The following ETV1 variants were observed in gnomAD, a reference collection of about 807,000 sequenced individuals.
The protein encoded by ETV1 is ETS translocation variant 1.
Under a neutral mutation model 62.3 loss-of-function variants are expected in ETV1, and 27 were observed. The observed-to-expected ratio is 0.43, with a 90% CI of 0.32 to 0.60. The LOEUF is 0.60. ETV1 is among the 20% of genes least tolerant of loss of function. The pLI, the probability that ETV1 is intolerant of heterozygous loss-of-function variation, is 0.06. For synonymous variants in ETV1, 222 were observed against 199.6 expected (o/e 1.11, Z -0.94); for missense variants, 605 against 605.8 (o/e 1.00, Z 0.01).
At chr7:13,954,026 C>T (rs1288041217) in intron 6 of ETV1, among the ~76,000 whole-genome samples, 1 of 152,136 alleles carries the variant, frequency 6.6e-6, no homozygotes, top group Non-Finnish European at 1.5e-5. Context: ...GCCATAGTAA[C>T]ATACAAAACA....
chr7:13,900,478 AAT>A (rs766980161), intron 13 of ETV1: 5 of 355,566 alleles, frequency 1.4e-5, no homozygotes, highest in East Asian at 4.3e-5. Context: ...ATACTAAAAC[AAT>A]CTTTTTTAAC....
At chr7:13,902,884 T>C (rs1340548190) in intron 12 of ETV1, among the ~76,000 whole-genome samples, 1 of 152,102 alleles carries the variant, frequency 6.6e-6, no homozygotes, top group Non-Finnish European at 1.5e-5. Flanking sequence ...GCATCATGGG[T>C]ATTAGTGGAC....
chr7:13,965,866 G>A (rs1365536174), intron 6 of ETV1, among the ~76,000 whole-genome samples: 1 of 152,074 alleles, frequency 6.6e-6, no homozygotes, highest in African/African-American at 2.4e-5. Flanking sequence ...AACAATTCAA[G>A]CCACCTGTGC....
intron 6 of ETV1, among the ~76,000 whole-genome samples, chr7:13,961,257 C>T (rs1790136343): frequency 6.6e-6 from 1 of 152,138 alleles, no homozygotes; most frequent in South Asian, 2.1e-4. Flanking sequence ...AGAAGCCCAG[C>T]CATAGCCTAA....
intron 9 of ETV1, among the ~76,000 whole-genome samples, chr7:13,920,638 T>A (rs1485113046): frequency 6.6e-6 from 1 of 152,184 alleles, no homozygotes; most frequent in Non-Finnish European, 1.5e-5. Context: ...TAAAATGCAG[T>A]CCCTGTCCAT....
At chr7:13,920,161 G>A (rs957186669) in intron 9 of ETV1, among the ~76,000 whole-genome samples, 1 of 152,010 alleles carries the variant, frequency 6.6e-6, no homozygotes, top group African/African-American at 2.4e-5. Context: ...CCCCTTTCCT[G>A]CCTGTAAAAT....
At chr7:13,982,167 A>AC (rs1430708303) in intron 5 of ETV1, among the ~76,000 whole-genome samples, 3 of 152,084 alleles carry the variant, frequency 2.0e-5, no homozygotes, top group African/African-American at 7.2e-5. Context: ...ACTAAAACTG[A>AC]CCTGCAGTAA....
In ETV1 at chr7:13,909,704, T is replaced by C; in HGVS notation, c.872-4A>G. The C allele has an allele frequency of 6.2e-7, 1 of 1,609,126 alleles. No individual in the cohort carries two copies. Reference sequence around the variant, plus strand: ...GGGCCCTTTTCAAACATACAGCCTGTGGATGAAAAAGGAATACATTTATTC... The same window carrying C: ...GGGCCCTTTTCAAACATACAGCCTGCGGATGAAAAAGGAATACATTTATTC... On this transcript the variant is annotated splice_region_variant and splice_polypyrimidine_tract_variant and intron_variant, in intron 10 of 13. Coordinates refer to ENST00000430479, the MANE Select transcript of ETV1 (RefSeq NM_004956.5).
At chr7:13,939,041 T>A in intron 7 of ETV1, 76 bp downstream of exon 7, 1 of 1,404,088 alleles carries the variant, frequency 7.1e-7, no homozygotes, top group Non-Finnish European at 9.8e-7. Context: ...AAATATGACT[T>A]GAGATTTCAT....
Position 13,957,675 on chromosome 7 carries a change from A to G in ETV1, c.236-18429T>C, listed in dbSNP as rs1235925209. Reference sequence around the variant, plus strand: ...GAGCTCTGCCAAAGCGTCTGCTGTAACTCCAGGTGTAAGGTGTATCAAATA... The same window carrying G: ...GAGCTCTGCCAAAGCGTCTGCTGTAGCTCCAGGTGTAAGGTGTATCAAATA... On this transcript the variant is annotated intron_variant, in intron 6 of 13. Transcript: ENST00000430479. Among the ~76,000 whole-genome samples, 7 of 152,302 alleles carry G rather than the reference A, an allele frequency of 4.6e-5. No homozygotes were observed. In the South Asian group the frequency reaches 1.2e-3, roughly 27 times the overall value.
intron 6 of ETV1, among the ~76,000 whole-genome samples, chr7:13,952,607 T>C (rs889794101): frequency 6.6e-6 from 1 of 152,124 alleles, no homozygotes; most frequent in Non-Finnish European, 1.5e-5. Context: ...ACGGTTAACA[T>C]TTTAAAACAC....
rs2128395306 is a variant in ETV1 at position 13,892,704 on chromosome 7, T to A, written c.*3162A>T. 1 of 232,156 alleles carries A rather than the reference T, an allele frequency of 4.3e-6. No homozygotes were observed. Among genetic ancestry groups the A allele is most frequent in the Non-Finnish European group, 8.5e-6 (1 of 117,380 alleles). 14.4% of individuals were successfully genotyped at this position (232,156 alleles called of 1,614,324 possible). On this transcript the variant is annotated 3_prime_UTR_variant, in exon 14 of 14. Transcript: ENST00000430479. ...CATCCCCTAAATGTAATCACAAGCA[T>A]CCTTATAAGAGGCAGGAAGGAAATT...
At chr7:13,972,783 A>T (rs1009796453) in intron 6 of ETV1, among the ~76,000 whole-genome samples, 5 of 151,742 alleles carry the variant, frequency 3.3e-5, no homozygotes, top group Non-Finnish European at 5.9e-5. Context: ...TTTTATTTTT[A>T]TTTTCTGATA....
Position 13,973,895 on chromosome 7 carries a change from G to A in ETV1, c.235+3532C>T, listed in dbSNP as rs1289827179. On this transcript the variant is annotated intron_variant, in intron 6 of 13. Coordinates refer to ENST00000430479, the MANE Select transcript of ETV1 (RefSeq NM_004956.5). Reference sequence around the variant, plus strand: ...ATATCATGTTTCTACCTTAAGAAACGAATTAAGACTCTGAAGATGCTTAGG... The same window carrying A: ...ATATCATGTTTCTACCTTAAGAAACAAATTAAGACTCTGAAGATGCTTAGG... Among the ~76,000 whole-genome samples the A allele has an allele frequency of 2.6e-5, 4 of 152,172 alleles. No individual in the cohort carries two copies. In the East Asian group the frequency reaches 5.8e-4, roughly 22 times the overall value.
chr7:13,911,297 G>C lies in ETV1; in HGVS notation c.813C>G (p.Ser271Arg), dbSNP rs766460224. ...CTTGCCTCATATAAATGGAGTGGCA[G>C]CTAGGCACTTCTGAAAGAGGAAACA... The part of the protein sequence containing the change: ...RDFAYDSEVP[S>R]CHSIYMRQEG... Residue 271 changes from serine to arginine, a missense_variant, in exon 10 of 14, where the codon AGC becomes AGG. By Grantham distance (110) the Ser-to-Arg change is moderately radical. Around this residue, in one of 3 missense-constraint regions of ETV1, gnomAD observed 426 missense variants for 377.8 expected, o/e 1.13. Transcript: ENST00000430479. 1 of 1,611,582 alleles carries C rather than the reference G, an allele frequency of 6.2e-7. No individual in the cohort carries two copies. Among genetic ancestry groups the C allele is most frequent in the Non-Finnish European group, 8.5e-7 (1 of 1,178,078 alleles).
chr7:13,970,155 G>C (rs921345662), intron 6 of ETV1, among the ~76,000 whole-genome samples: 1 of 151,972 alleles, frequency 6.6e-6, no homozygotes, highest in Non-Finnish European at 1.5e-5. Flanking sequence ...CAGCTAGCCG[G>C]GAGGCCGAGG....
At chr7:13,988,592 AATG>A in intron 3 of ETV1, 1 of 1,040,248 alleles carries the variant, frequency 9.6e-7, no homozygotes. Flanking sequence ...AGAGTAGAGA[AATG>A]AAAAAAAAAA....
intron 6 of ETV1, among the ~76,000 whole-genome samples, chr7:13,950,428 G>C (rs1788663079): frequency 1.3e-5 from 2 of 152,028 alleles, no homozygotes; most frequent in South Asian, 4.2e-4. Context: ...ACACTCTCTT[G>C]CAGGGATCCC....
chr7:13,946,443 C>T (rs1788171374), intron 6 of ETV1, among the ~76,000 whole-genome samples: 1 of 152,192 alleles, frequency 6.6e-6, no homozygotes, highest in African/African-American at 2.4e-5. Context: ...AAAAAATGCA[C>T]TTCCAAAATA....
Sources: allele counts gnomAD v4.1 joint callset (sites outside exome capture counted in the v4.1 genomes callset), GRCh38; gene constraint gnomAD v4.1.1; regional missense constraint gnomAD v4.1.1; transcripts MANE v1.5; gene names NCBI Gene and HGNC (gene_info 2026-07-23, HGNC 2026-07-21).